The following ITGBL1 variants were observed in gnomAD, a reference collection of about 807,000 sequenced individuals.
ITGBL1 encodes the protein integrin subunit beta like 1.
Under a neutral mutation model 68.5 loss-of-function variants are expected in ITGBL1, and 51 were observed. The observed-to-expected ratio is 0.74, with a 90% confidence interval of 0.59 to 0.94. The LOEUF (loss-of-function observed/expected upper bound fraction) is 0.94. Ranked by LOEUF, ITGBL1 falls within the 40% of genes least tolerant of loss-of-function variation. The pLI, the probability that ITGBL1 is intolerant of heterozygous loss-of-function variation, is 0.00. For missense variants in ITGBL1, 649 were observed against 647.4 expected, an observed-to-expected ratio of 1.00 and a Z score of -0.03; for synonymous variants, 209 against 227.3, an observed-to-expected ratio of 0.92 and a Z score of 0.72.
chr13:101,510,856 T>C (rs1224806028), intron 2 of ITGBL1, among the ~76,000 whole-genome samples: 1 of 152,074 alleles, frequency 6.6e-6, no homozygotes, highest in Non-Finnish European at 1.5e-5. Context: ...GTTTTATGCT[T>C]GTTAATTTGT....
chr13:101,547,482 G>A (rs2049846335), intron 2 of ITGBL1, among the ~76,000 whole-genome samples: 1 of 151,452 alleles, frequency 6.6e-6, no homozygotes, highest in Admixed American at 6.6e-5. Flanking sequence ...CACCTCTTTG[G>A]AAGTATACAA....
At chr13:101,679,802 T>A (rs927060198) in intron 7 of ITGBL1, among the ~76,000 whole-genome samples, 3 of 152,198 alleles carry the variant, frequency 2.0e-5, no homozygotes, top group Non-Finnish European at 4.4e-5. Context: ...GCTCTATGGT[T>A]TGGAAAACCT....
intron 2 of ITGBL1, among the ~76,000 whole-genome samples, chr13:101,566,978 G>A (rs982656810): frequency 6.6e-6 from 1 of 152,084 alleles, no homozygotes; most frequent in African/African-American, 2.4e-5. Context: ...TTGAGGACAA[G>A]GACCAAGTAC....
intron 7 of ITGBL1, among the ~76,000 whole-genome samples, chr13:101,644,299 A>G (rs2032487352): frequency 6.6e-6 from 1 of 152,204 alleles, no homozygotes; most frequent in South Asian, 2.1e-4. Context: ...TGTATAAAGT[A>G]GAGGGAGATG....
intron 7 of ITGBL1, among the ~76,000 whole-genome samples, chr13:101,632,301 G>A (rs1044816609): frequency 1.3e-5 from 2 of 152,088 alleles, no homozygotes; most frequent in Non-Finnish European, 2.9e-5. Flanking sequence ...GTAATCACTT[G>A]GAAAGGTGCT....
chr13:101,631,816 A>G (rs1035422907), intron 7 of ITGBL1, among the ~76,000 whole-genome samples: 2 of 152,200 alleles, frequency 1.3e-5, no homozygotes, highest in Non-Finnish European at 2.9e-5. Context: ...GCTAGTTGCC[A>G]AGGCAAGTTA....
At chr13:101,698,218 G>A (rs2034047096) in intron 8 of ITGBL1, among the ~76,000 whole-genome samples, 1 of 152,060 alleles carries the variant, frequency 6.6e-6, no homozygotes, top group Non-Finnish European at 1.5e-5. Context: ...GTAAAATATG[G>A]TACTTGACTC....
At chr13:101,471,821 C>G (rs774387120) in intron 2 of ITGBL1, among the ~76,000 whole-genome samples, 25 of 151,970 alleles carry the variant, frequency 1.6e-4, no homozygotes, top group Non-Finnish European at 2.9e-4. Flanking sequence ...GCCACAGGCC[C>G]AAGCCAGATA....
intron 2 of ITGBL1, among the ~76,000 whole-genome samples, chr13:101,479,840 A>AT (rs1401547618): frequency 6.6e-6 from 1 of 152,032 alleles, no homozygotes; most frequent in Non-Finnish European, 1.5e-5. Flanking sequence ...GAGTTGGAGA[A>AT]AAAGGAACCC....
intron 7 of ITGBL1, among the ~76,000 whole-genome samples, chr13:101,635,491 TA>T (rs1393678481): frequency 6.6e-6 from 1 of 152,024 alleles, no homozygotes; most frequent in African/African-American, 2.4e-5. Flanking sequence ...GTGTGAGGTT[TA>T]AAAAATCAGT....
intron 7 of ITGBL1, among the ~76,000 whole-genome samples, chr13:101,661,221 G>A (rs1386828566): frequency 1.3e-5 from 2 of 152,054 alleles, no homozygotes; most frequent in African/African-American, 4.8e-5. Context: ...TTTGGTTCAT[G>A]GTGGTTTGCT....
At chr13:101,521,778 C>A (rs2049289159) in intron 2 of ITGBL1, among the ~76,000 whole-genome samples, 1 of 152,304 alleles carries the variant, frequency 6.6e-6, no homozygotes, top group Middle Eastern at 3.4e-3. Flanking sequence ...ATTGCAACAG[C>A]TGTCCCTCTG....
At chr13:101,634,083 C>A (rs2032082628) in intron 7 of ITGBL1, among the ~76,000 whole-genome samples, 1 of 152,050 alleles carries the variant, frequency 6.6e-6, no homozygotes. Context: ...AATCAATGGG[C>A]AGAATTAATG....
intron 7 of ITGBL1, among the ~76,000 whole-genome samples, chr13:101,601,663 A>G (rs182029943): frequency 2.4e-4 from 36 of 152,290 alleles, no homozygotes; most frequent in African/African-American, 7.2e-4. Flanking sequence ...TTCAAAGAAC[A>G]TCTTTATTTC....
chr13:101,555,149 C>T (rs1004852653), intron 2 of ITGBL1, among the ~76,000 whole-genome samples: 1 of 152,068 alleles, frequency 6.6e-6, no homozygotes, highest in African/African-American at 2.4e-5. Context: ...GTGTTCATCA[C>T]CCAGCTTAAA....
rs1237031076 is a variant in ITGBL1, at chr13:101,564,785, A to G, written c.317-2914A>G. On this transcript the variant is annotated intron_variant, in intron 2 of 10. Transcript: ENST00000376180. ...ATGTATATGTAATTATATATGTTAT[A>G]TAGTCATATATAAAAAATGACTCTG... 3.3e-5 allele frequency among the ~76,000 whole-genome samples: 5 copies of G among 151,394 alleles called. No individual in the cohort carries two copies. The East Asian group carries it at 9.7e-4, about 29-fold the overall frequency.
intron 2 of ITGBL1, among the ~76,000 whole-genome samples, chr13:101,546,117 T>C (rs2139200293): frequency 6.6e-6 from 1 of 152,306 alleles, no homozygotes; most frequent in East Asian, 1.9e-4. Flanking sequence ...ACAGAGTTCA[T>C]GTAGTATGAT....
chr13:101,515,862 A>G (rs1346272005), intron 2 of ITGBL1, among the ~76,000 whole-genome samples: 2 of 152,136 alleles, frequency 1.3e-5, no homozygotes, highest in African/African-American at 4.8e-5. Context: ...GCATTTAACC[A>G]TTCTACCTTT....
At chr13:101,674,397 C>T (rs554408638) in intron 7 of ITGBL1, among the ~76,000 whole-genome samples, 97 of 152,236 alleles carry the variant, frequency 6.4e-4, no homozygotes, top group South Asian at 3.9e-3. Flanking sequence ...CATTGCTGTG[C>T]GTGTTCCTGA....
Sources: allele counts gnomAD v4.1 joint callset (sites outside exome capture counted in the v4.1 genomes callset), GRCh38; gene constraint gnomAD v4.1.1; transcripts MANE v1.5; gene names NCBI Gene and HGNC (gene_info 2026-07-23, HGNC 2026-07-21).